Variants in SLC2A14 observed in about 807,000 individuals in gnomAD.
The protein encoded by SLC2A14 is solute carrier family 2, facilitated glucose transporter member 14.
Under a neutral mutation model 43.0 loss-of-function variants are expected in SLC2A14, and 13 were observed. The observed-to-expected ratio is 0.30, with a 90% CI of 0.20 to 0.48. The LOEUF is 0.48. Among genes scored for constraint, SLC2A14 ranks in the 20% least tolerant of loss-of-function variants. The pLI, the probability that SLC2A14 is intolerant of heterozygous loss-of-function variation, is 0.99. For missense variants in SLC2A14, 428 were observed against 620.4 expected (o/e 0.69, Z 3.29); for synonymous variants, 190 against 233.8 (o/e 0.81, Z 1.71).
At chr12:7,878,470 G>C (rs771179203), upstream of SLC2A14, among the ~76,000 whole-genome samples, 1 of 151,674 alleles carries the variant, frequency 6.6e-6, no homozygotes, top group East Asian at 2.0e-4. Context: ...TGTTGGCCAG[G>C]CTGGTCTTGA....
At chr12:7,864,732 T>C (rs1944815326) in intron 2 of SLC2A14, among the ~76,000 whole-genome samples, 1 of 152,198 alleles carries the variant, frequency 6.6e-6, no homozygotes, top group Admixed American at 6.5e-5. Context: ...ACGTTGGAAC[T>C]GAGTAGCTGT....
upstream of SLC2A14, among the ~76,000 whole-genome samples, chr12:7,878,144 G>T (rs1283529367): frequency 6.6e-6 from 1 of 152,070 alleles, no homozygotes; most frequent in Admixed American, 6.6e-5. Context: ...TCTGCCTCCT[G>T]GGTTCAAGGA....
intron 10 of SLC2A14, among the ~76,000 whole-genome samples, chr12:7,816,098 AT>A (rs1376652801): frequency 0.046 from 2,233 of 49,034 alleles, 682 homozygotes; most frequent in African/African-American, 0.16. Context: ...TATTTTTTTT[AT>A]TTTTTTTATT....
intron 2 of SLC2A14, among the ~76,000 whole-genome samples, chr12:7,863,792 T>C (rs899640001): frequency 6.7e-6 from 1 of 148,828 alleles, no homozygotes; most frequent in Admixed American, 6.9e-5. Flanking sequence ...TATCTCCCTA[T>C]ATCAACCATC....
chr12:7,833,108 T>G (rs1865166943), intron 2 of SLC2A14, among the ~76,000 whole-genome samples: 3 of 152,188 alleles, frequency 2.0e-5, no homozygotes, highest in Admixed American at 2.0e-4. Context: ...TTTAAAAACC[T>G]GCATCAGGTG....
At chr12:7,890,914 G>A in intron 1 of SLC2A14, 2 of 1,431,964 alleles carry the variant, frequency 1.4e-6, no homozygotes, top group Non-Finnish European at 9.3e-7. Flanking sequence ...GAGACAGGAG[G>A]GCAAGTTTTT....
intron 2 of SLC2A14, among the ~76,000 whole-genome samples, chr12:7,849,479 G>A (rs1275246569): frequency 6.6e-6 from 1 of 152,018 alleles, no homozygotes; most frequent in Non-Finnish European, 1.5e-5. Context: ...ACTCTAGCCT[G>A]GGCAAGACAG....
rs1367394801 is a variant in SLC2A14 at position 7,832,776 on chromosome 12, T to G, written c.57A>C (p.Thr19=). ...PALIFAITVA[T]IGSFQFGYNT... is the part of the protein sequence containing the mutation. ...TGTAGCCAAACTGGAAAGAGCCGAT[T>G]GTAGCAACTGTGATGGCAAAGATCA... is the stretch of plus-strand genomic sequence containing the variant. The change falls in exon 3 of 11, where the codon ACA becomes ACC. Residue 19 remains threonine (T), a synonymous_variant. Transcript: ENST00000431042. The G allele has an allele frequency of 6.2e-7, 1 of 1,614,154 alleles. No individual in the cohort carries two copies. The highest frequency in any genetic ancestry group is 8.5e-7 in the Non-Finnish European group (1 of 1,180,024).
chr12:7,814,065 T>C lies in SLC2A14; in HGVS notation c.*251A>G. 2.0e-6 allele frequency: 1 copy of C among 503,416 alleles called. No individual in the cohort carries two copies. Among genetic ancestry groups the C allele is most frequent in the South Asian group, 2.8e-5 (1 of 35,834 alleles). 31.2% of individuals were successfully genotyped at this position (503,416 alleles called of 1,614,324 possible). Reference sequence around the variant, plus strand: ...AAGTTGTCATGTGCCAAGCGGCCAATCCCTCCTGAAATGAAGGTAGGTTCA... The same window carrying C: ...AAGTTGTCATGTGCCAAGCGGCCAACCCCTCCTGAAATGAAGGTAGGTTCA... On this transcript the variant is annotated 3_prime_UTR_variant, in exon 11 of 11. Coordinates refer to ENST00000431042, the MANE Select transcript of SLC2A14 (RefSeq NM_001286234.2).
chr12:7,881,365 A>G (rs968156921), intron 1 of SLC2A14, among the ~76,000 whole-genome samples: 1 of 151,492 alleles, frequency 6.6e-6, no homozygotes, highest in Non-Finnish European at 1.5e-5. Context: ...CGGGCCCCGC[A>G]CTCGGAGCGG....
intron 2 of SLC2A14, among the ~76,000 whole-genome samples, chr12:7,859,621 G>A (rs1944436158): frequency 6.6e-6 from 1 of 152,136 alleles, no homozygotes; most frequent in African/African-American, 2.4e-5. Context: ...AGCCAGGACT[G>A]ATGACAGTAG....
chr12:7,841,324 G>C (rs888372762), intron 2 of SLC2A14, among the ~76,000 whole-genome samples: 1 of 151,990 alleles, frequency 6.6e-6, no homozygotes, highest in East Asian at 1.9e-4. Flanking sequence ...TCAGTGCCAT[G>C]ATCTCGGCTC....
intron 1 of SLC2A14, among the ~76,000 whole-genome samples, chr12:7,881,011 C>T (rs956156825): frequency 2.6e-5 from 4 of 152,070 alleles, no homozygotes; most frequent in African/African-American, 7.2e-5. Flanking sequence ...TGGTGGCAGG[C>T]GCCTGTTGTC....
At chr12:7,873,812 G>T (rs1429304041), upstream of SLC2A14, among the ~76,000 whole-genome samples, 1 of 152,064 alleles carries the variant, frequency 6.6e-6, no homozygotes, top group Non-Finnish European at 1.5e-5. Context: ...CCCCATTGGT[G>T]CCATCCAGGG....
At chr12:7,874,627 A>G (rs1027625383), upstream of SLC2A14, among the ~76,000 whole-genome samples, 1 of 149,610 alleles carries the variant, frequency 6.7e-6, no homozygotes, top group East Asian at 1.9e-4. Flanking sequence ...AGCCGAGATC[A>G]CGCCACTGCA....
At chr12:7,830,475 C>A (rs1415259191) in intron 4 of SLC2A14, among the ~76,000 whole-genome samples, 1 of 151,958 alleles carries the variant, frequency 6.6e-6, no homozygotes, top group Non-Finnish European at 1.5e-5. Context: ...ATTATCAGAA[C>A]GTTTCTAGTT....
intron 2 of SLC2A14, among the ~76,000 whole-genome samples, chr12:7,847,150 G>A (rs1361618005): frequency 1.3e-5 from 2 of 151,842 alleles, no homozygotes; most frequent in Non-Finnish European, 2.9e-5. Context: ...TACTCAGGAG[G>A]CTGAGGCAGG....
At chr12:7,871,318 C>T in intron 1 of SLC2A14, 2 of 1,067,438 alleles carry the variant, frequency 1.9e-6, no homozygotes, top group African/African-American at 1.7e-5. Context: ...AAGACAAGTT[C>T]AACTAGGTGG....
intron 4 of SLC2A14, 167 bp downstream of exon 4, chr12:7,831,437 C>G: frequency 3.0e-6 from 3 of 1,002,318 alleles, no homozygotes; most frequent in Non-Finnish European, 2.9e-6. Context: ...GGTAGTAGAG[C>G]TCCAAGCAAG....
Sources: gnomAD v4.1 joint callset for allele counts (sites outside exome capture counted in the v4.1 genomes callset) on GRCh38, gnomAD v4.1.1 for gene constraint, MANE v1.5 for transcripts, NCBI Gene and HGNC (gene_info 2026-07-23, HGNC 2026-07-21) for gene names.